HOMER1: variants seen among roughly 807,000 people sequenced by gnomAD.
The protein encoded by HOMER1 is homer scaffold protein 1, also known as homer protein homolog 1.
A neutral mutation model predicts 48.9 loss-of-function variants in HOMER1; 3 were observed. The observed-to-expected ratio is 0.06, with a 90% CI of 0.03 to 0.16. The LOEUF is 0.16. HOMER1 is among the 10% of genes least tolerant of loss of function. HOMER1 has a pLI of 1.00. For synonymous variants in HOMER1, 134 were observed against 146.4 expected, an observed-to-expected ratio of 0.92 and a Z score of 0.61; for missense variants, 247 against 411.4, an observed-to-expected ratio of 0.60 and a Z score of 3.46.
chr5:79,496,831 G>A lies in HOMER1; in HGVS notation c.5+15939C>T, dbSNP rs994973533. 7.9e-5 allele frequency among the ~76,000 whole-genome samples: 12 copies of A among 152,002 alleles called. 1 individual carries two copies. Among genetic ancestry groups the A allele is most frequent in the Non-Finnish European group, 1.5e-4 (10 of 68,008 alleles). On this transcript the variant is annotated intron_variant, in intron 1 of 8. Coordinates refer to ENST00000334082, the MANE Select transcript of HOMER1 (RefSeq NM_004272.5). ...TGTAATTCCAGCTCTTTGGGAGGCCGAGGTGGGTGGATCACTTGAGGCCGA... is the reference window on the plus strand; with the variant it reads ...TGTAATTCCAGCTCTTTGGGAGGCCAAGGTGGGTGGATCACTTGAGGCCGA...
chr5:79,405,917 C>T (rs1255641293), intron 5 of HOMER1, among the ~76,000 whole-genome samples: 1 of 152,164 alleles, frequency 6.6e-6, no homozygotes, highest in Middle Eastern at 3.2e-3. Context: ...AGTTTCTTGA[C>T]TCCCATTTTA....
At chr5:79,450,941 T>C (rs1580458908) in intron 3 of HOMER1, 49 bp downstream of exon 3, 1 of 1,566,408 alleles carries the variant, frequency 6.4e-7, no homozygotes. Context: ...ATTTAAGATA[T>C]ACGACTTGAA....
At chr5:79,431,706 C>T (rs1028988670) in intron 5 of HOMER1, among the ~76,000 whole-genome samples, 1 of 152,090 alleles carries the variant, frequency 6.6e-6, no homozygotes, top group Admixed American at 6.5e-5. Flanking sequence ...AGTGAATATA[C>T]GGCCAAGCTA....
intron 1 of HOMER1, among the ~76,000 whole-genome samples, chr5:79,481,933 A>G (rs79438727): frequency 0.05 from 7,586 of 152,252 alleles, 232 homozygotes; most frequent in African/African-American, 0.082. Flanking sequence ...TTAAAAGAAT[A>G]TAAGTCTGGG....
At chr5:79,377,238 T>C (rs1232761791) in intron 8 of HOMER1, among the ~76,000 whole-genome samples, 10 of 152,186 alleles carry the variant, frequency 6.6e-5, no homozygotes, top group Non-Finnish European at 1.5e-5. Flanking sequence ...TGTGCTAGGA[T>C]TACAGGCGTG....
chr5:79,459,565 T>C (rs1391064645), intron 1 of HOMER1, among the ~76,000 whole-genome samples: 1 of 152,138 alleles, frequency 6.6e-6, no homozygotes, highest in Non-Finnish European at 1.5e-5. Flanking sequence ...TCACTACAGA[T>C]CCAGGGAACA....
intron 1 of HOMER1, among the ~76,000 whole-genome samples, chr5:79,484,891 T>A (rs1207488887): frequency 6.6e-6 from 1 of 152,204 alleles, no homozygotes; most frequent in Non-Finnish European, 1.5e-5. Flanking sequence ...CCCACATTAC[T>A]ACAATTCCCA....
At chr5:79,504,914 A>C (rs188079195) in intron 1 of HOMER1, among the ~76,000 whole-genome samples, 12 of 152,314 alleles carry the variant, frequency 7.9e-5, no homozygotes, top group African/African-American at 2.6e-4. Context: ...CTTGTGGGTT[A>C]GGAAGCACAG....
intron 1 of HOMER1, among the ~76,000 whole-genome samples, chr5:79,506,469 T>G (rs1342997439): frequency 6.6e-6 from 1 of 152,156 alleles, no homozygotes. Flanking sequence ...ATTAAGAACA[T>G]AAGTTCATCA....
chr5:79,431,892 T>C (rs1226212568), intron 5 of HOMER1, among the ~76,000 whole-genome samples: 1 of 152,234 alleles, frequency 6.6e-6, no homozygotes, highest in African/African-American at 2.4e-5. Flanking sequence ...TCTTATGTAT[T>C]ATCCCCATGA....
chr5:79,414,388 G>T (rs1749889579), intron 5 of HOMER1, among the ~76,000 whole-genome samples: 1 of 149,376 alleles, frequency 6.7e-6, no homozygotes. Flanking sequence ...CGCCTGGCCT[G>T]TTATTTTTAG....
At chr5:79,459,750 A>T (rs1247456035) in intron 1 of HOMER1, among the ~76,000 whole-genome samples, 1 of 152,248 alleles carries the variant, frequency 6.6e-6, no homozygotes, top group African/African-American at 2.4e-5. Context: ...AATGCTCTTC[A>T]CTACGATAGA....
At chr5:79,413,893 T>G (rs1749873069) in intron 5 of HOMER1, among the ~76,000 whole-genome samples, 1 of 152,152 alleles carries the variant, frequency 6.6e-6, no homozygotes, top group African/African-American at 2.4e-5. Flanking sequence ...TATTTATAAA[T>G]AATACTTATT....
At chr5:79,455,588 T>G (rs1751152552) in intron 2 of HOMER1, among the ~76,000 whole-genome samples, 1 of 152,282 alleles carries the variant, frequency 6.6e-6, no homozygotes, top group Non-Finnish European at 1.5e-5. Context: ...TTACCCAGTC[T>G]CAGGTATTTC....
intron 1 of HOMER1, among the ~76,000 whole-genome samples, chr5:79,457,486 T>C (rs564782142): frequency 6.6e-6 from 1 of 152,338 alleles, no homozygotes; most frequent in Admixed American, 6.5e-5. Flanking sequence ...GTGCTTTTAC[T>C]GTGTAAAATG....
At chr5:79,396,044 C>T (rs1265537143) in intron 8 of HOMER1, among the ~76,000 whole-genome samples, 2 of 152,028 alleles carry the variant, frequency 1.3e-5, no homozygotes, top group Non-Finnish European at 2.9e-5. Flanking sequence ...TATTGAGGCA[C>T]CTAACGCTGA....
chr5:79,404,588 C>T (rs1749615471), intron 5 of HOMER1, among the ~76,000 whole-genome samples: 1 of 152,174 alleles, frequency 6.6e-6, no homozygotes, highest in Admixed American at 6.5e-5. Context: ...CACTCAACAG[C>T]CACACATGAC....
intron 1 of HOMER1, among the ~76,000 whole-genome samples, chr5:79,487,564 A>G (rs1370380391): frequency 1.3e-5 from 2 of 152,206 alleles, no homozygotes; most frequent in Non-Finnish European, 2.9e-5. Context: ...TCTGCCAAAT[A>G]AAGATTGTGA....
chr5:79,398,236 C>A (rs1196622424), intron 6 of HOMER1, among the ~76,000 whole-genome samples: 1 of 151,694 alleles, frequency 6.6e-6, no homozygotes, highest in Non-Finnish European at 1.5e-5. Flanking sequence ...TTTGAGAGAA[C>A]AGAGAGGGGC....
Sources: allele counts gnomAD v4.1 joint callset (sites outside exome capture counted in the v4.1 genomes callset), GRCh38; gene constraint gnomAD v4.1.1; transcripts MANE v1.5; gene names NCBI Gene and HGNC (gene_info 2026-07-23, HGNC 2026-07-21).